MBTD1: variants seen among roughly 807,000 people sequenced by gnomAD.
MBTD1 encodes the protein mbt domain containing 1.
A neutral mutation model predicts 87.8 loss-of-function variants in MBTD1; 24 were observed. The ratio of observed to expected loss-of-function variants is 0.27; its 90% confidence interval spans 0.20 to 0.38. The LOEUF (loss-of-function observed/expected upper bound fraction) is 0.38, where lower values mean the gene tolerates loss of function less well. Among genes scored for constraint, MBTD1 ranks in the 10% least tolerant of loss-of-function variants. MBTD1 has a pLI of 1.00. For synonymous variants in MBTD1, 237 were observed against 248.6 expected, an observed-to-expected ratio of 0.95 and a Z score of 0.44; for missense variants, 436 against 760.2, an observed-to-expected ratio of 0.57 and a Z score of 5.02.
Position 51,259,213 on chromosome 17 carries a change from T to C in MBTD1, c.-112-7A>G, listed in dbSNP as rs2055290910. 1 of 1,222,278 alleles carries C rather than the reference T, an allele frequency of 8.2e-7. No homozygotes were observed. Among genetic ancestry groups the C allele is most frequent in the Non-Finnish European group, 1.0e-6 (1 of 979,024 alleles). The allele number at this position is 1,222,278 out of a possible 1,614,324, so 75.7% of individuals were successfully genotyped here. A position where few individuals can be genotyped will look rare whatever the true frequency, so the allele number is the denominator to read the frequency against. On this transcript the variant is annotated splice_region_variant and splice_polypyrimidine_tract_variant and intron_variant, in intron 1 of 16. Transcript: ENST00000586178. ...TCTAATGTCTCTTCCGACTCTGAAA[T>C]GTTAGGATTCTTATTTCACAAAGGA...
chr17:51,202,105 G>C (rs778476899), intron 10 of MBTD1, 28 bp from the exon 11 acceptor site: 1 of 1,463,130 alleles, frequency 6.8e-7, no homozygotes. Context: ...ACACTAATCT[G>C]TCAGCATTTG....
At chr17:51,241,925 C>G (rs1448528358) in intron 2 of MBTD1, among the ~76,000 whole-genome samples, 1 of 152,070 alleles carries the variant, frequency 6.6e-6, no homozygotes, top group Non-Finnish European at 1.5e-5. Flanking sequence ...TCATACTGTC[C>G]CAGAGTAGGC....
chr17:51,257,154 G>A (rs756346333), intron 2 of MBTD1, among the ~76,000 whole-genome samples: 3 of 152,194 alleles, frequency 2.0e-5, no homozygotes, highest in Non-Finnish European at 4.4e-5. Flanking sequence ...GTGGTGTTAG[G>A]AGAAATATCT....
At chr17:51,197,565 T>C (rs1187730334) in intron 12 of MBTD1, among the ~76,000 whole-genome samples, 1 of 150,868 alleles carries the variant, frequency 6.6e-6, no homozygotes, top group Non-Finnish European at 1.5e-5. Flanking sequence ...TGGGGTGCAG[T>C]GGTACAATCA....
intron 16 of MBTD1, chr17:51,185,008 G>A (rs2050471350): frequency 6.6e-6 from 1 of 152,114 alleles, no homozygotes; most frequent in Non-Finnish European, 1.5e-5. Flanking sequence ...GGGGCAAGAT[G>A]GCCTAATACA....
At chr17:51,249,898 G>A (rs978855067) in intron 2 of MBTD1, 5 of 151,746 alleles carry the variant, frequency 3.3e-5, no homozygotes, top group Non-Finnish European at 7.4e-5. Context: ...TTCTAGTTCT[G>A]AAAAAGAACA....
intron 2 of MBTD1, among the ~76,000 whole-genome samples, chr17:51,239,522 T>C (rs1373412940): frequency 1.3e-5 from 2 of 152,210 alleles, no homozygotes; most frequent in Non-Finnish European, 2.9e-5. Flanking sequence ...CAACCATTAA[T>C]GAATGGTTTA....
chr17:51,206,008 C>T (rs1262506645), intron 7 of MBTD1, among the ~76,000 whole-genome samples: 3 of 152,154 alleles, frequency 2.0e-5, no homozygotes, highest in Non-Finnish European at 4.4e-5. Flanking sequence ...CTACACTACT[C>T]ACTGAGTATC....
intron 3 of MBTD1, 60 bp from the exon 4 acceptor site, chr17:51,220,523 AAC>A (rs1311540818): frequency 1.4e-6 from 2 of 1,407,076 alleles, no homozygotes; most frequent in Non-Finnish European, 1.9e-6. Flanking sequence ...ATCTTCATCT[AAC>A]AGTTTAAATA....
intron 6 of MBTD1, among the ~76,000 whole-genome samples, chr17:51,216,719 T>C (rs1321010341): frequency 1.3e-5 from 2 of 152,268 alleles, no homozygotes; most frequent in African/African-American, 4.8e-5. Context: ...TCAATATGCA[T>C]ATTTTTGATA....
upstream of MBTD1, chr17:51,260,850 G>A: frequency 1.9e-6 from 3 of 1,600,672 alleles, no homozygotes; most frequent in Non-Finnish European, 1.7e-6. Context: ...GCCGTGGAGC[G>A]GTGCTTGGAG....
rs1461206882 is a variant in MBTD1 at position 51,192,953 on chromosome 17, G to A, written c.1519C>T (p.Arg507Cys). The part of the protein sequence containing the change: ...KLEAVDLMEP[R>C]LICVATVTRI... ...GTTACTGTGGCTACACATATTAAAC[G>A]TGGCTCCATGAGATCTACTGCTTCT... The change falls in exon 15 of 17, where the codon CGT becomes TGT. Residue 507 changes from arginine to cysteine, a missense_variant. Around this residue, in one of 5 missense-constraint regions of MBTD1, gnomAD observed 80 missense variants for 182.2 expected, o/e 0.44. Coordinates refer to ENST00000586178, the MANE Select transcript of MBTD1 (RefSeq NM_017643.3). The A allele has an allele frequency of 6.2e-7, 1 of 1,614,076 alleles. No individual in the cohort carries two copies.
At chr17:51,206,245 A>G (rs562082497) in intron 7 of MBTD1, among the ~76,000 whole-genome samples, 1 of 152,290 alleles carries the variant, frequency 6.6e-6, no homozygotes, top group South Asian at 2.1e-4. Flanking sequence ...ACTTGTATCA[A>G]TTTGGTATTA....
intron 12 of MBTD1, among the ~76,000 whole-genome samples, chr17:51,198,423 G>A (rs956067803): frequency 1.3e-5 from 2 of 152,062 alleles, no homozygotes; most frequent in East Asian, 1.9e-4. Context: ...CCTTTCTCTC[G>A]TTATTTCTAT....
At chr17:51,189,965 C>T (rs2050719514) in intron 16 of MBTD1, among the ~76,000 whole-genome samples, 1 of 152,152 alleles carries the variant, frequency 6.6e-6, no homozygotes. Context: ...GAGGCTTGTG[C>T]CTATAAACGA....
intron 11 of MBTD1, 71 bp downstream of exon 11, chr17:51,201,951 T>C: frequency 9.0e-7 from 1 of 1,109,466 alleles, no homozygotes; most frequent in South Asian, 1.3e-5. Context: ...ATTTCCGTAA[T>C]TTTAGGAAAA....
upstream of MBTD1, chr17:51,260,858 G>C: frequency 1.2e-6 from 2 of 1,601,852 alleles, no homozygotes; most frequent in Non-Finnish European, 1.7e-6. Flanking sequence ...GCGGTGCTTG[G>C]AGGAGCTGGT....
chr17:51,183,696 T>C (rs1045037710), intron 16 of MBTD1: 6 of 152,188 alleles, frequency 3.9e-5, no homozygotes, highest in African/African-American at 1.2e-4. Flanking sequence ...TTAATATAAA[T>C]AAAAATGCTT....
At chr17:51,212,918 C>T (rs1334580493) in intron 6 of MBTD1, among the ~76,000 whole-genome samples, 1 of 152,094 alleles carries the variant, frequency 6.6e-6, no homozygotes, top group Non-Finnish European at 1.5e-5. Context: ...TTAGTAGAGA[C>T]GGGGTTTCAC....
Sources: gnomAD v4.1 joint callset for allele counts (sites outside exome capture counted in the v4.1 genomes callset) on GRCh38, gnomAD v4.1.1 for gene constraint, gnomAD v4.1.1 regional missense constraint, MANE v1.5 for transcripts, NCBI Gene and HGNC (gene_info 2026-07-23, HGNC 2026-07-21) for gene names.